TMEM117: variants seen among roughly 807,000 people sequenced by gnomAD.
TMEM117 encodes transmembrane protein 117.
TMEM117 carries 27 observed loss-of-function variants against 52.4 expected under a neutral mutation model. The observed-to-expected ratio is 0.51, with a 90% confidence interval of 0.38 to 0.71. The LOEUF is 0.71. TMEM117 is among the 30% of genes least tolerant of loss of function. TMEM117 has a pLI of 0.00. For synonymous variants in TMEM117, 215 were observed against 206.3 expected (o/e 1.04, Z -0.36); for missense variants, 556 against 630.5 (o/e 0.88, Z 1.26).
chr12:44,142,436 T>G (rs963029705), intron 3 of TMEM117, among the ~76,000 whole-genome samples: 2 of 152,166 alleles, frequency 1.3e-5, no homozygotes, highest in Admixed American at 1.3e-4. Flanking sequence ...CTGTTTATTT[T>G]ATGGATAACA....
At chr12:44,312,104 G>C (rs1304346748) in intron 6 of TMEM117, among the ~76,000 whole-genome samples, 1 of 151,712 alleles carries the variant, frequency 6.6e-6, no homozygotes, top group Non-Finnish European at 1.5e-5. Context: ...GTGCAGGTTT[G>C]TTACATGAGT....
chr12:44,091,909 T>C (rs1947679377), intron 3 of TMEM117, among the ~76,000 whole-genome samples: 1 of 152,226 alleles, frequency 6.6e-6, no homozygotes, highest in African/African-American at 2.4e-5. Context: ...TATATTTGGA[T>C]ATGTTAGCTG....
At position 43,984,364 on chromosome 12, in the gene TMEM117, T is replaced by TAACAACAAC. The variant is rs3064367; in HGVS notation, c.410+40057_410+40065dup. Among the ~76,000 whole-genome samples, 1,035 of 146,090 alleles carry TAACAACAAC rather than the reference T, an allele frequency of 7.1e-3. 7 individuals are homozygous for TAACAACAAC. The highest frequency in any genetic ancestry group is 0.02 in the South Asian group (90 of 4,396). ...GCCTGGGCGACAGAGTGAGACTCCG[T>TAACAACAAC]AACAACAACAACAACAACAACAACA... On this transcript the variant is annotated intron_variant, in intron 3 of 7. Transcript: ENST00000266534.
chr12:44,062,199 C>T (rs1174213460), intron 3 of TMEM117, among the ~76,000 whole-genome samples: 1 of 152,128 alleles, frequency 6.6e-6, no homozygotes, highest in Non-Finnish European at 1.5e-5. Flanking sequence ...GGTTTGAATG[C>T]TATCAGATTC....
chr12:43,844,793 G>A lies in TMEM117; in HGVS notation c.142G>A (p.Gly48Arg). Residue 48 changes from glycine to arginine, a missense_variant, in exon 2 of 8, where the codon GGA becomes AGA. Gly to Arg is a moderately radical substitution (Grantham distance 125, BLOSUM62 -2). Transcript: ENST00000266534. ...AACAGAAGCCAATGTTATTGTTGTT[G>A]GAAACTGTTTTTCATTTGTTACAAA... is the stretch of plus-strand genomic sequence containing the variant. ...SQTEANVIVV[G>R]NCFSFVTNKY... 1.2e-6 allele frequency: 2 copies of A among 1,614,108 alleles called. No homozygotes were observed. Among genetic ancestry groups the A allele is most frequent in the Non-Finnish European group, 1.7e-6 (2 of 1,180,008 alleles).
chr12:44,174,316 T>A (rs1949088492), intron 4 of TMEM117, among the ~76,000 whole-genome samples: 1 of 152,202 alleles, frequency 6.6e-6, no homozygotes, highest in South Asian at 2.1e-4. Flanking sequence ...TAACATATTG[T>A]GCATAGTTCA....
chr12:43,884,498 C>T (rs1452793998), intron 2 of TMEM117, among the ~76,000 whole-genome samples: 1 of 152,076 alleles, frequency 6.6e-6, no homozygotes, highest in African/African-American at 2.4e-5. Flanking sequence ...GTTTCATGGC[C>T]TCCAGTAAAG....
At chr12:44,168,910 T>C (rs1949006961) in intron 4 of TMEM117, among the ~76,000 whole-genome samples, 1 of 152,194 alleles carries the variant, frequency 6.6e-6, no homozygotes, top group Non-Finnish European at 1.5e-5. Flanking sequence ...TTTCCATCTC[T>C]AGGAATTTGA....
chr12:43,841,603 C>T (rs2219629), intron 1 of TMEM117, among the ~76,000 whole-genome samples: 46,028 of 152,002 alleles, frequency 0.3, 11,131 homozygotes, highest in African/African-American at 0.67. Flanking sequence ...AGCAAGTTTC[C>T]GAACTTAAAA....
At chr12:44,032,259 T>C (rs1946645132) in intron 3 of TMEM117, among the ~76,000 whole-genome samples, 1 of 152,240 alleles carries the variant, frequency 6.6e-6, no homozygotes, top group East Asian at 1.9e-4. Context: ...CAAATCAATC[T>C]TACCGTGATT....
At chr12:43,906,696 T>C (rs1944395317) in intron 2 of TMEM117, among the ~76,000 whole-genome samples, 1 of 152,140 alleles carries the variant, frequency 6.6e-6, no homozygotes, top group African/African-American at 2.4e-5. Context: ...GTGCAAGGGG[T>C]CAGGGAGTTC....
intron 5 of TMEM117, among the ~76,000 whole-genome samples, chr12:44,275,633 C>G (rs1460542382): frequency 6.6e-6 from 1 of 152,012 alleles, no homozygotes; most frequent in African/African-American, 2.4e-5. Flanking sequence ...GAATGAGATC[C>G]TGTCGTTTGC....
intron 1 of TMEM117, among the ~76,000 whole-genome samples, chr12:43,842,616 G>A (rs1943133392): frequency 6.6e-6 from 1 of 151,978 alleles, no homozygotes; most frequent in South Asian, 2.1e-4. Context: ...CTTACTTCAG[G>A]CTTGTGGCAT....
intron 2 of TMEM117, among the ~76,000 whole-genome samples, chr12:43,906,445 G>A (rs1421730681): frequency 2.1e-5 from 3 of 141,368 alleles, no homozygotes; most frequent in Admixed American, 1.5e-4. Flanking sequence ...CCTGGGTGAG[G>A]GAGTGAGACG....
intron 1 of TMEM117, among the ~76,000 whole-genome samples, chr12:43,842,172 A>G (rs1286982231): frequency 6.6e-6 from 1 of 151,756 alleles, no homozygotes; most frequent in South Asian, 2.1e-4. Context: ...GAAAACACAT[A>G]AAAGTTCATT....
chr12:43,805,634 G>A, the TMEM117 span: 1 of 522,070 alleles, frequency 1.9e-6, no homozygotes. Context: ...CCCTTGGGGA[G>A]TATCTAGGAA....
At chr12:44,094,091 A>G (rs974056104) in intron 3 of TMEM117, among the ~76,000 whole-genome samples, 1 of 152,170 alleles carries the variant, frequency 6.6e-6, no homozygotes, top group African/African-American at 2.4e-5. Context: ...TTGATACATG[A>G]CTATAATAAA....
the TMEM117 span, chr12:43,800,653 C>A: frequency 1.5e-6 from 1 of 681,248 alleles, no homozygotes; most frequent in Non-Finnish European, 2.5e-6. Context: ...GAAGTCCACC[C>A]ACTATAATAT....
chr12:44,187,845 G>C (rs1307714392), intron 4 of TMEM117, among the ~76,000 whole-genome samples: 1 of 151,996 alleles, frequency 6.6e-6, no homozygotes, highest in African/African-American at 2.4e-5. Context: ...GACTCATATG[G>C]AGCTGCCACC....
Sources: allele counts gnomAD v4.1 joint callset (sites outside exome capture counted in the v4.1 genomes callset), GRCh38; gene constraint gnomAD v4.1.1; transcripts MANE v1.5; gene names NCBI Gene and HGNC (gene_info 2026-07-23, HGNC 2026-07-21).